The following ADIPOR2 variants were observed in gnomAD, a reference collection of about 807,000 sequenced individuals.
ADIPOR2 encodes the protein adiponectin receptor 2.
Under a neutral mutation model 40.9 loss-of-function variants are expected in ADIPOR2, and 18 were observed. The observed-to-expected ratio is 0.44, with a 90% confidence interval of 0.30 to 0.65. The LOEUF is 0.65. Ranked by LOEUF, ADIPOR2 falls within the 30% of genes least tolerant of loss-of-function variation. The probability of loss-of-function intolerance (pLI) is 0.09; values close to 1 mark genes in which losing one functional copy is unlikely to be tolerated. For missense variants in ADIPOR2, 283 were observed against 479.2 expected, an observed-to-expected ratio of 0.59 and a Z score of 3.82; for synonymous variants, 165 against 166.4, an observed-to-expected ratio of 0.99 and a Z score of 0.06.
intron 2 of ADIPOR2, among the ~76,000 whole-genome samples, chr12:1,762,838 T>C (rs1300432650): frequency 2.6e-5 from 4 of 152,236 alleles, no homozygotes; most frequent in East Asian, 3.8e-4. Flanking sequence ...GGGGATGATA[T>C]ACTTTTTCTC....
In ADIPOR2 at chr12:1,788,208, A is replaced by G. The variant is rs1862878117; in HGVS notation, c.*2136A>G. The stretch of plus-strand genomic sequence containing the variant: ...GTTCAACATAGCACAAACCCTTAGG[A>G]AAAATGAAATTAACATCACTGATGT... On this transcript the variant is annotated 3_prime_UTR_variant, in exon 8 of 8. Transcript: ENST00000357103. 6.5e-6 allele frequency: 1 copy of G among 152,680 alleles called. No individual in the cohort carries two copies. Among genetic ancestry groups the G allele is most frequent in the Non-Finnish European group, 1.5e-5 (1 of 68,070 alleles). The allele number at this position is 152,680 out of a possible 1,614,324, so 9.5% of individuals were successfully genotyped here. A position where few individuals can be genotyped will look rare whatever the true frequency, so the allele number is the denominator to read the frequency against.
At chr12:1,691,710 C>T (rs528649822) in intron 1 of ADIPOR2, among the ~76,000 whole-genome samples, 1 of 152,276 alleles carries the variant, frequency 6.6e-6, no homozygotes, top group Admixed American at 6.5e-5. Context: ...AGGCAGCCTG[C>T]TTGGTACCTG....
intron 6 of ADIPOR2, 106 bp downstream of exon 6, chr12:1,781,182 G>A: frequency 8.4e-7 from 1 of 1,189,140 alleles, no homozygotes. Context: ...GTGTATTTGT[G>A]ATGCCAAGAT....
chr12:1,783,733 C>G (rs1862772260), intron 6 of ADIPOR2, 147 bp from the exon 7 acceptor site: 17 of 651,586 alleles, frequency 2.6e-5, no homozygotes, highest in Non-Finnish European at 3.8e-5. Context: ...TTTGAAGAAC[C>G]TTCTTTTTCC....
rs1365063227 is a variant in ADIPOR2, at chr12:1,691,200, G to C, written c.-87+9G>C. 9 of 154,648 alleles carry C rather than the reference G, an allele frequency of 5.8e-5. No individual in the cohort carries two copies. The highest frequency in any genetic ancestry group is 1.2e-4 in the Non-Finnish European group (8 of 69,190). The allele number at this position is 154,648 out of a possible 1,614,324, so 9.6% of individuals were successfully genotyped here. ...GAAGTCCGAGACACGCGGTGAGGCG[G>C]CGACGGGCTCCGGGTGAGGGTCTCT... On this transcript the variant is annotated intron_variant, in intron 1 of 7. Coordinates refer to ENST00000357103, the MANE Select transcript of ADIPOR2 (RefSeq NM_024551.3).
intron 2 of ADIPOR2, among the ~76,000 whole-genome samples, chr12:1,756,404 C>T (rs1218831479): frequency 6.6e-6 from 1 of 151,692 alleles, no homozygotes; most frequent in East Asian, 1.9e-4. Flanking sequence ...GCCACCTTGG[C>T]CCCGCAAATT....
chr12:1,724,514 T>C (rs990554333), intron 1 of ADIPOR2, among the ~76,000 whole-genome samples: 16 of 152,182 alleles, frequency 1.1e-4, no homozygotes, highest in Admixed American at 9.8e-4. Context: ...AGTTACTGTT[T>C]AACGGGTATA....
chr12:1,717,480 T>C (rs1396970895), intron 1 of ADIPOR2, among the ~76,000 whole-genome samples: 1 of 152,018 alleles, frequency 6.6e-6, no homozygotes, highest in Non-Finnish European at 1.5e-5. Flanking sequence ...GCAAGGCAGG[T>C]GGATCACCTG....
At chr12:1,742,955 A>AT (rs1412519397) in intron 1 of ADIPOR2, among the ~76,000 whole-genome samples, 1 of 151,964 alleles carries the variant, frequency 6.6e-6, no homozygotes, top group Non-Finnish European at 1.5e-5. Flanking sequence ...TTTCGATTTT[A>AT]TTTTTTTGTT....
chr12:1,736,828 G>T (rs899691575), intron 1 of ADIPOR2, among the ~76,000 whole-genome samples: 10 of 152,254 alleles, frequency 6.6e-5, no homozygotes, highest in African/African-American at 2.4e-4. Flanking sequence ...GTTCTCATTG[G>T]TTTCAAAAAA....
chr12:1,779,277 A>G (rs999717496), intron 4 of ADIPOR2, among the ~76,000 whole-genome samples: 1 of 152,254 alleles, frequency 6.6e-6, no homozygotes, highest in Non-Finnish European at 1.5e-5. Flanking sequence ...CCAGATGTCT[A>G]TCGACTGGTA....
At chr12:1,723,750 C>T (rs966695059) in intron 1 of ADIPOR2, among the ~76,000 whole-genome samples, 6 of 152,000 alleles carry the variant, frequency 3.9e-5, no homozygotes, top group South Asian at 2.1e-4. Context: ...TTCCAAAAGC[C>T]GTGGAAAACA....
chr12:1,709,023 A>G (rs954115912), intron 1 of ADIPOR2, among the ~76,000 whole-genome samples: 1 of 152,112 alleles, frequency 6.6e-6, no homozygotes, highest in Non-Finnish European at 1.5e-5. Context: ...CTGGCCCTGC[A>G]TATCTATACT....
intron 1 of ADIPOR2, among the ~76,000 whole-genome samples, chr12:1,748,342 G>C (rs557115965): frequency 3.9e-5 from 6 of 151,940 alleles, no homozygotes; most frequent in Non-Finnish European, 8.8e-5. Context: ...TCCGCCTCCC[G>C]GGTTCACGCC....
At chr12:1,694,471 TATA>T (rs2154441075) in intron 1 of ADIPOR2, among the ~76,000 whole-genome samples, 1 of 152,354 alleles carries the variant, frequency 6.6e-6, no homozygotes, top group East Asian at 1.9e-4. Flanking sequence ...CTAGATTACT[TATA>T]ATACCTAATA....
At chr12:1,779,021 A>G (rs547125940) in intron 4 of ADIPOR2, among the ~76,000 whole-genome samples, 151 of 152,366 alleles carry the variant, frequency 9.9e-4, no homozygotes, top group Non-Finnish European at 1.5e-3. Context: ...TATAATCAAG[A>G]AAATGAAAAA....
intron 1 of ADIPOR2, among the ~76,000 whole-genome samples, chr12:1,751,438 T>C (rs1489626136): frequency 1.3e-5 from 2 of 152,236 alleles, no homozygotes; most frequent in East Asian, 1.9e-4. Flanking sequence ...GGAACTCTTA[T>C]TTGTTGTCAT....
chr12:1,715,220 G>A (rs1291612410), intron 1 of ADIPOR2, among the ~76,000 whole-genome samples: 2 of 152,080 alleles, frequency 1.3e-5, no homozygotes, highest in African/African-American at 4.8e-5. Context: ...AAGAAAGCTT[G>A]GACATAAGGT....
chr12:1,759,071 T>G (rs540977856), intron 2 of ADIPOR2, among the ~76,000 whole-genome samples: 71 of 118,972 alleles, frequency 6.0e-4, no homozygotes, highest in African/African-American at 1.9e-3. Flanking sequence ...AATTCCAAAC[T>G]CAGTCCCTGA....
Sources: allele counts gnomAD v4.1 joint callset (sites outside exome capture counted in the v4.1 genomes callset), GRCh38; gene constraint gnomAD v4.1.1; transcripts MANE v1.5; gene names NCBI Gene and HGNC (gene_info 2026-07-23, HGNC 2026-07-21).